TUFT1: variants seen among roughly 807,000 people sequenced by gnomAD.
The protein encoded by TUFT1 is tuftelin 1.
A neutral mutation model predicts 57.8 loss-of-function variants in TUFT1; 43 were observed. That is an observed-to-expected ratio of 0.74 (90% confidence interval 0.58 to 0.96). TUFT1 has a LOEUF of 0.96. Ranked by LOEUF, TUFT1 falls within the 40% of genes least tolerant of loss-of-function variation. The pLI is 0.00. For synonymous variants in TUFT1, 166 were observed against 176.7 expected (o/e 0.94, Z 0.48); for missense variants, 459 against 489.0 (o/e 0.94, Z 0.58).
chr1:151,581,750 C>A lies in TUFT1; in HGVS notation c.*43C>A. On this transcript the variant is annotated 3_prime_UTR_variant, in exon 13 of 13. Transcript: ENST00000368849. Reference sequence around the variant, plus strand: ...GCTGCCATTGCTGCTGCCTCTGCCTCGGAGAAGCCCACTGCCCCTGTTGGC... The same window carrying A: ...GCTGCCATTGCTGCTGCCTCTGCCTAGGAGAAGCCCACTGCCCCTGTTGGC... 1 of 1,605,902 alleles carries A rather than the reference C, an allele frequency of 6.2e-7. No individual in the cohort carries two copies. Among genetic ancestry groups the A allele is most frequent in the South Asian group, 1.1e-5 (1 of 90,842 alleles).
At chr1:151,558,634 T>C (rs1356786955) in intron 1 of TUFT1, among the ~76,000 whole-genome samples, 1 of 152,110 alleles carries the variant, frequency 6.6e-6, no homozygotes, top group African/African-American at 2.4e-5. Context: ...CCCAGCCTAG[T>C]TGTCTATGCT....
chr1:151,581,564 A>G, intron 12 of TUFT1, 80 bp from the exon 13 acceptor site: 3 of 1,424,372 alleles, frequency 2.1e-6, no homozygotes, highest in Non-Finnish European at 3.0e-6. Flanking sequence ...GCCAATGTGA[A>G]GATTCCAGGG....
chr1:151,566,308 T>TTC (rs57179871), intron 6 of TUFT1, 80 bp downstream of exon 6: 83,058 of 904,532 alleles, frequency 0.092, 3,571 homozygotes, highest in Admixed American at 0.32. Flanking sequence ...GTTTATTGCT[T>TTC]TCTCTCTCTC....
At chr1:151,564,016 G>T (rs772421161) in intron 4 of TUFT1, 26 bp downstream of exon 4, 1 of 1,562,312 alleles carries the variant, frequency 6.4e-7, no homozygotes, top group Admixed American at 1.7e-5. Context: ...CTCTCACGCA[G>T]TGCCTAGGTC....
At chr1:151,573,023 C>T (rs1416157404) in intron 7 of TUFT1, among the ~76,000 whole-genome samples, 1 of 152,304 alleles carries the variant, frequency 6.6e-6, no homozygotes, top group East Asian at 1.9e-4. Flanking sequence ...GGCTGTCATT[C>T]ACTAGCTGTG....
intron 5 of TUFT1, 21 bp downstream of exon 5, chr1:151,564,635 G>T (rs1051210164): frequency 2.5e-6 from 4 of 1,603,802 alleles, no homozygotes; most frequent in Non-Finnish European, 3.4e-6. Context: ...ATGGTCCATG[G>T]TTGGGTCCCC....
chr1:151,574,131 TG>T, intron 7 of TUFT1, 138 bp from the exon 8 acceptor site: 1 of 955,016 alleles, frequency 1.0e-6, no homozygotes, highest in Non-Finnish European at 1.5e-6. Flanking sequence ...GGGGAGGTGG[TG>T]GTGAGCCCAT....
chr1:151,547,747 G>T (rs1004197314), intron 1 of TUFT1, among the ~76,000 whole-genome samples: 2 of 152,198 alleles, frequency 1.3e-5, no homozygotes, highest in Non-Finnish European at 2.9e-5. Context: ...CGCTAGGCAG[G>T]TGTCCTAGAG....
intron 1 of TUFT1, among the ~76,000 whole-genome samples, chr1:151,557,148 G>A (rs996859717): frequency 6.6e-6 from 1 of 151,610 alleles, no homozygotes; most frequent in African/African-American, 2.4e-5. Flanking sequence ...AGACTTTTTA[G>A]TGGTTACTCT....
At chr1:151,551,032 A>G (rs143569029) in intron 1 of TUFT1, among the ~76,000 whole-genome samples, 19 of 152,346 alleles carry the variant, frequency 1.2e-4, no homozygotes, top group Middle Eastern at 6.8e-3. Context: ...ATATTTCTAC[A>G]TGTCTTATCT....
intron 5 of TUFT1, among the ~76,000 whole-genome samples, chr1:151,565,576 A>T (rs1400112507): frequency 1.3e-5 from 2 of 152,246 alleles, no homozygotes; most frequent in Non-Finnish European, 2.9e-5. Flanking sequence ...TTTGTCAGGT[A>T]TCAGAAGAAC....
intron 1 of TUFT1, among the ~76,000 whole-genome samples, chr1:151,555,194 T>G (rs1004473919): frequency 3.3e-5 from 5 of 151,110 alleles, no homozygotes; most frequent in Non-Finnish European, 7.4e-5. Flanking sequence ...CCAGCTATGG[T>G]GGTGCACACC....
intron 1 of TUFT1, among the ~76,000 whole-genome samples, chr1:151,553,440 A>C (rs1665573712): frequency 6.6e-6 from 1 of 152,226 alleles, no homozygotes; most frequent in Non-Finnish European, 1.5e-5. Flanking sequence ...AAGTCAGAGT[A>C]ATATTTTTAG....
chr1:151,555,047 G>T (rs1207007003), intron 1 of TUFT1, among the ~76,000 whole-genome samples: 3 of 147,912 alleles, frequency 2.0e-5, no homozygotes, highest in Admixed American at 2.0e-4. Context: ...AAATTTTAAG[G>T]CCGGGCATGG....
chr1:151,559,313 CTG>C (rs1339816424), intron 1 of TUFT1, among the ~76,000 whole-genome samples: 12 of 152,142 alleles, frequency 7.9e-5, no homozygotes, highest in Non-Finnish European at 1.0e-4. Flanking sequence ...ACACAAATAA[CTG>C]AGAGGCAGAT....
rs531964281 is a variant in TUFT1, at chr1:151,551,030, A to G, written c.60+10604A>G. Reference sequence around the variant, plus strand: ...GCAATGCTACTGTGAACATATTTCTACATGTCTTATCTTTATATTTCTATA... The same window carrying G: ...GCAATGCTACTGTGAACATATTTCTGCATGTCTTATCTTTATATTTCTATA... On this transcript the variant is annotated intron_variant, in intron 1 of 12. Transcript: ENST00000368849. 2.0e-5 allele frequency among the ~76,000 whole-genome samples: 3 copies of G among 152,348 alleles called. No individual in the cohort carries two copies. In the South Asian group the frequency reaches 6.2e-4, roughly 32 times the overall value.
intron 7 of TUFT1, 27 bp from the exon 8 acceptor site, chr1:151,574,243 T>G: frequency 1.2e-6 from 2 of 1,604,308 alleles, no homozygotes; most frequent in Non-Finnish European, 1.7e-6. Flanking sequence ...TCCACACCAT[T>G]TAACATATTC....
In TUFT1 at chr1:151,556,009, C is replaced by G. The variant is rs183838941; in HGVS notation, c.61-6082C>G. Among the ~76,000 whole-genome samples the G allele has an allele frequency of 8.5e-3, 1,300 of 152,204 alleles. 13 individuals carry two copies. The highest frequency in any genetic ancestry group is 0.013 in the Non-Finnish European group (897 of 68,006). On this transcript the variant is annotated intron_variant, in intron 1 of 12. Coordinates refer to ENST00000368849, the MANE Select transcript of TUFT1 (RefSeq NM_020127.3). Reference sequence around the variant, plus strand: ...AGCCACACTCATTTCCCTCCTCCCCCCCACTTTCTTCTTAACTCCTAGTAA... The same window carrying G: ...AGCCACACTCATTTCCCTCCTCCCCGCCACTTTCTTCTTAACTCCTAGTAA...
intron 1 of TUFT1, among the ~76,000 whole-genome samples, chr1:151,559,092 T>G (rs1258913536): frequency 6.6e-6 from 1 of 152,226 alleles, no homozygotes; most frequent in Non-Finnish European, 1.5e-5. Flanking sequence ...GTCGAGATAC[T>G]GTTTTAATAA....
Sources: gnomAD v4.1 joint callset for allele counts (sites outside exome capture counted in the v4.1 genomes callset) on GRCh38, gnomAD v4.1.1 for gene constraint, MANE v1.5 for transcripts, NCBI Gene and HGNC (gene_info 2026-07-23, HGNC 2026-07-21) for gene names.